The following ABCB5 variants were observed in gnomAD, a reference collection of about 807,000 sequenced individuals.
ABCB5 encodes the protein ATP-binding cassette sub-family B member 5.
ABCB5 carries 155 observed loss-of-function variants against 144.2 expected under a neutral mutation model. The ratio of observed to expected loss-of-function variants is 1.08; its 90% CI spans 0.94 to 1.23. The LOEUF (loss-of-function observed/expected upper bound fraction) is 1.23. Ranked by LOEUF, ABCB5 falls within the 50% of genes most tolerant of loss-of-function variation. The probability of loss-of-function intolerance (pLI) is 0.00; values close to 1 mark genes in which losing one functional copy is unlikely to be tolerated. For missense variants in ABCB5, 1,830 were observed against 1,520.8 expected, an observed-to-expected ratio of 1.20 and a Z score of -3.38; for synonymous variants, 610 against 528.6, an observed-to-expected ratio of 1.15 and a Z score of -2.11.
chr7:20,738,831 T>C (rs1782469587), intron 23 of ABCB5, 152 bp from the exon 24 acceptor site: 6 of 766,952 alleles, frequency 7.8e-6, no homozygotes, highest in Non-Finnish European at 1.1e-5. Flanking sequence ...AGAAATTTTT[T>C]AAAGAGATAA....
At chr7:20,724,655 T>A (rs1392668473) in intron 21 of ABCB5, among the ~76,000 whole-genome samples, 1 of 148,110 alleles carries the variant, frequency 6.8e-6, no homozygotes, top group Non-Finnish European at 1.5e-5. Context: ...AAAAAGGGTG[T>A]TCCTCTCCTA....
chr7:20,643,914 A>G (rs1157239176), intron 7 of ABCB5, among the ~76,000 whole-genome samples: 1 of 152,244 alleles, frequency 6.6e-6, no homozygotes, highest in Non-Finnish European at 1.5e-5. Flanking sequence ...TGGATAAAGT[A>G]TGATGTCCTT....
chr7:20,703,077 T>C (rs1379303827), intron 19 of ABCB5, among the ~76,000 whole-genome samples: 1 of 152,182 alleles, frequency 6.6e-6, no homozygotes, highest in East Asian at 1.9e-4. Flanking sequence ...TACCTATTCA[T>C]GGTGTTTTAC....
intron 16 of ABCB5, among the ~76,000 whole-genome samples, chr7:20,696,419 A>T (rs920811605): frequency 1.3e-5 from 2 of 152,098 alleles, no homozygotes; most frequent in Non-Finnish European, 2.9e-5. Flanking sequence ...AGGAAGGAAG[A>T]GGACTGGCAA....
At chr7:20,720,720 C>T (rs1401450825) in intron 20 of ABCB5, among the ~76,000 whole-genome samples, 8 of 151,948 alleles carry the variant, frequency 5.3e-5, no homozygotes, top group East Asian at 1.9e-4. Context: ...CCGAGACGGG[C>T]GGATCACGAG....
At chr7:20,667,256 CA>C (rs1785230933) in intron 14 of ABCB5, 1 of 981,854 alleles carries the variant, frequency 1.0e-6, no homozygotes, top group Non-Finnish European at 1.2e-6. Flanking sequence ...AGGAGCCTGG[CA>C]AAGTAAAGAT....
chr7:20,651,723 G>A, intron 13 of ABCB5, 100 bp downstream of exon 13: 1 of 1,271,960 alleles, frequency 7.9e-7, no homozygotes, highest in South Asian at 1.4e-5. Flanking sequence ...AATAGTAGGG[G>A]TGTGATTAAA....
rs141053078 is a variant in ABCB5, at chr7:20,752,998, G to A, written c.3430-362G>A. Among the ~76,000 whole-genome samples the A allele has an allele frequency of 3.2e-3, 490 of 152,274 alleles. 3 individuals are homozygous for A. Among genetic ancestry groups the A allele is most frequent in the African/African-American group, 0.011 (455 of 41,564 alleles). On this transcript the variant is annotated intron_variant, in intron 26 of 27. Transcript: ENST00000404938. ...ATTTCCTTGTTGTTTTTACTACTGC[G>A]AATCATTTTAACCTGAAAATAGTAG...
intron 12 of ABCB5, among the ~76,000 whole-genome samples, chr7:20,650,370 T>C (rs1023076674): frequency 6.6e-6 from 1 of 152,168 alleles, no homozygotes; most frequent in African/African-American, 2.4e-5. Context: ...ATAAAACAGA[T>C]AAAAATCTGC....
intron 16 of ABCB5, among the ~76,000 whole-genome samples, chr7:20,697,111 G>A (rs1014397084): frequency 2.3e-4 from 35 of 152,260 alleles, no homozygotes; most frequent in Middle Eastern, 3.4e-3. Context: ...TGACCTAGCT[G>A]AAATGTTGTG....
chr7:20,673,692 G>T (rs1001779589), intron 14 of ABCB5, among the ~76,000 whole-genome samples: 2 of 151,786 alleles, frequency 1.3e-5, no homozygotes, highest in Non-Finnish European at 2.9e-5. Flanking sequence ...ACGTAGTTGG[G>T]TCTTGCTTTT....
chr7:20,706,489 T>C (rs1786827657), intron 20 of ABCB5, among the ~76,000 whole-genome samples: 2 of 152,338 alleles, frequency 1.3e-5, no homozygotes, highest in African/African-American at 4.8e-5. Context: ...ATAAATAGTA[T>C]TGTCCCTGAG....
chr7:20,625,178 A>G (rs1343954332), intron 2 of ABCB5, among the ~76,000 whole-genome samples: 1 of 152,242 alleles, frequency 6.6e-6, no homozygotes, highest in East Asian at 1.9e-4. Context: ...CTCATGCCTC[A>G]GCCCAGAGCA....
In ABCB5 at chr7:20,658,943, G is replaced by T. The variant is rs866304125; in HGVS notation, c.1707+267G>T. The T allele has an allele frequency of 3.2e-5, 37 of 1,151,854 alleles. No homozygotes were observed. The African/African-American group carries it at 4.7e-4, about 15-fold the overall frequency. The allele number at this position is 1,151,854 out of a possible 1,614,324, so 71.4% of individuals were successfully genotyped here. ...CCAGTCTATACCTCCATTCCAAGTG[G>T]TTTGCACTTTCCACCTCCCTAGAGT... is the stretch of plus-strand genomic sequence containing the variant. On this transcript the variant is annotated intron_variant, in intron 14 of 27. Transcript: ENST00000404938.
At chr7:20,754,195 G>C (rs1161782024) in intron 27 of ABCB5, among the ~76,000 whole-genome samples, 1 of 152,188 alleles carries the variant, frequency 6.6e-6, no homozygotes, top group Admixed American at 6.5e-5. Flanking sequence ...CCATTTTACA[G>C]ATTGGCACAC....
At chr7:20,726,274 G>A (rs1250351166) in intron 21 of ABCB5, among the ~76,000 whole-genome samples, 1 of 148,918 alleles carries the variant, frequency 6.7e-6, no homozygotes, top group African/African-American at 2.5e-5. Context: ...TTACTTTCCT[G>A]TAATGTTCCT....
intron 14 of ABCB5, among the ~76,000 whole-genome samples, chr7:20,679,622 AAAAATGAG>A (rs138864104): frequency 0.18 from 27,241 of 152,042 alleles, 2,443 homozygotes; most frequent in East Asian, 0.24. Flanking sequence ...GTTCTAATAG[AAAAATGAG>A]AAAAAATGTG....
intron 22 of ABCB5, among the ~76,000 whole-genome samples, chr7:20,728,027 T>A (rs1782091729): frequency 6.6e-6 from 1 of 152,206 alleles, no homozygotes; most frequent in Non-Finnish European, 1.5e-5. Flanking sequence ...ACACTAGCCA[T>A]CCTTTCACGG....
At chr7:20,752,891 G>T (rs558811788) in intron 26 of ABCB5, among the ~76,000 whole-genome samples, 2 of 152,272 alleles carry the variant, frequency 1.3e-5, no homozygotes, top group South Asian at 4.1e-4. Flanking sequence ...GAAGATGCAT[G>T]TACCACTGAG....
Sources: gnomAD v4.1 joint callset for allele counts (sites outside exome capture counted in the v4.1 genomes callset) on GRCh38, gnomAD v4.1.1 for gene constraint, MANE v1.5 for transcripts, NCBI Gene and HGNC (gene_info 2026-07-23, HGNC 2026-07-21) for gene names.